The following KCNK3 variants were observed in gnomAD, a reference collection of about 807,000 sequenced individuals.
KCNK3 encodes the protein potassium channel subfamily K member 3.
A neutral mutation model predicts 27.3 loss-of-function variants in KCNK3; 9 were observed. The observed-to-expected ratio is 0.33, with a 90% CI of 0.20 to 0.57. KCNK3 has a LOEUF of 0.57. KCNK3 is among the 20% of genes least tolerant of loss of function. KCNK3 has a pLI of 0.87. For missense variants in KCNK3, 391 were observed against 577.7 expected (o/e 0.68, Z 3.31); for synonymous variants, 278 against 273.8 (o/e 1.02, Z -0.15).
chr2:26,719,356 C>A (rs1452120015), intron 1 of KCNK3, among the ~76,000 whole-genome samples: 1 of 152,170 alleles, frequency 6.6e-6, no homozygotes, highest in Non-Finnish European at 1.5e-5. Context: ...TTTTCTCTGA[C>A]CTTAACACAT....
chr2:26,725,805 T>G (rs546750860), intron 1 of KCNK3, among the ~76,000 whole-genome samples: 9 of 152,296 alleles, frequency 5.9e-5, no homozygotes, highest in Middle Eastern at 3.4e-3. Context: ...CCTTGAGCTT[T>G]AAGATCCAAA....
rs921021471 is a variant in KCNK3, at chr2:26,721,368, T to A, written c.284-6299T>A. Among the ~76,000 whole-genome samples the A allele has an allele frequency of 6.6e-6, 1 of 151,938 alleles. No individual in the cohort carries two copies. Among genetic ancestry groups the A allele is most frequent in the African/African-American group, 2.4e-5 (1 of 41,334 alleles). ...AGGAGGGAGAGCACCTGCGCCCTCC[T>A]CCCGTCTCCACCAAGCTGCAGCCCC... On this transcript the variant is annotated intron_variant, in intron 1 of 1. Coordinates refer to ENST00000302909, the MANE Select transcript of KCNK3 (RefSeq NM_002246.3). This position sits in a 1 kb window ranked among gnomAD's most constrained non-coding sequence, Gnocchi z 4.3.
intron 1 of KCNK3, among the ~76,000 whole-genome samples, chr2:26,701,425 C>T (rs965564019): frequency 6.6e-6 from 1 of 152,042 alleles, no homozygotes; most frequent in African/African-American, 2.4e-5. Flanking sequence ...AAGGGCTTGC[C>T]CCATGAGGAG....
At chr2:26,708,879 T>C (rs558509965) in intron 1 of KCNK3, among the ~76,000 whole-genome samples, 46 of 152,164 alleles carry the variant, frequency 3.0e-4, no homozygotes, top group Admixed American at 2.6e-4. Context: ...CACCCGCAGG[T>C]CAACCCCTCC....
chr2:26,709,564 C>T (rs150425210), intron 1 of KCNK3, among the ~76,000 whole-genome samples: 18 of 152,288 alleles, frequency 1.2e-4, no homozygotes, highest in Non-Finnish European at 4.4e-5. Context: ...AGACATTGGC[C>T]ATGAAAGCAG....
chr2:26,731,643 G>T lies in KCNK3; in HGVS notation c.*3075G>T, dbSNP rs969474497. The T allele has an allele frequency of 1.3e-5, 2 of 152,214 alleles. No individual in the cohort carries two copies. Among genetic ancestry groups the T allele is most frequent in the Non-Finnish European group, 2.9e-5 (2 of 68,044 alleles). The allele number at this position is 152,214 out of a possible 1,614,324, so 9.4% of individuals were successfully genotyped here. A position where few individuals can be genotyped will look rare whatever the true frequency, so the allele number is the denominator to read the frequency against. On this transcript the variant is annotated 3_prime_UTR_variant, in exon 2 of 2. Transcript: ENST00000302909. ...TGACTCGCCATGGGCTCGCTGGCCT[G>T]TGGGCGACACTGGCTTCCCTTTTGG... is the stretch of plus-strand genomic sequence containing the variant.
intron 1 of KCNK3, among the ~76,000 whole-genome samples, chr2:26,701,123 G>C (rs952883190): frequency 6.6e-6 from 1 of 152,196 alleles, no homozygotes; most frequent in African/African-American, 2.4e-5. Flanking sequence ...GAGTAGCAAG[G>C]CTCTAAAGAA....
intron 1 of KCNK3, among the ~76,000 whole-genome samples, chr2:26,699,618 G>C (rs986472019): frequency 7.2e-5 from 11 of 152,240 alleles, no homozygotes; most frequent in Admixed American, 2.6e-4. Context: ...CCAGCAGCAA[G>C]TGGAGACCAG....
At chr2:26,722,254 C>G (rs1028238300) in intron 1 of KCNK3, among the ~76,000 whole-genome samples, 1 of 152,232 alleles carries the variant, frequency 6.6e-6, no homozygotes, top group Admixed American at 6.5e-5. Context: ...TCTCATCCAA[C>G]AGTTGTTAAC....
intron 1 of KCNK3, among the ~76,000 whole-genome samples, chr2:26,714,573 T>C (rs1455975660): frequency 4.2e-4 from 11 of 25,962 alleles, no homozygotes; most frequent in Non-Finnish European, 8.1e-4. Context: ...AGGCCATCAT[T>C]TTCCAGAACA....
At chr2:26,716,898 C>A (rs1298146994) in intron 1 of KCNK3, among the ~76,000 whole-genome samples, 1 of 152,192 alleles carries the variant, frequency 6.6e-6, no homozygotes, top group Non-Finnish European at 1.5e-5. Context: ...GTAGGCTTAG[C>A]AAACTAGGGA....
chr2:26,731,349 C>T lies in KCNK3; in HGVS notation c.*2781C>T, dbSNP rs12472757. 0.4 allele frequency: 60,869 copies of T among 152,152 alleles called. 14,586 individuals are homozygous for T. Among genetic ancestry groups the T allele is most frequent in the Non-Finnish European group, 0.53 (36,178 of 68,026 alleles). 9.4% of individuals were successfully genotyped at this position (152,152 alleles called of 1,614,324 possible). A position where few individuals can be genotyped will look rare whatever the true frequency, so the allele number is the denominator to read the frequency against. On this transcript the variant is annotated 3_prime_UTR_variant, in exon 2 of 2. Transcript: ENST00000302909. ...TAGTCACAGCACTAGGCGGGCAGAT[C>T]ACCTGAGGTCAGAAGTTCAAGACCA...
rs182569829 is a variant in KCNK3, at chr2:26,726,977, C to A, written c.284-690C>A. Among the ~76,000 whole-genome samples the A allele has an allele frequency of 3.3e-5, 5 of 152,342 alleles. No individual in the cohort carries two copies. The East Asian group carries it at 5.8e-4, about 18-fold the overall frequency. ...GGGGACCCTGGAACACTCATTCATC[C>A]TGCTCTTGCAGGGAGGGGCAGGCAG... On this transcript the variant is annotated intron_variant, in intron 1 of 1. Transcript: ENST00000302909.
chr2:26,712,725 TG>T (rs1299864477), intron 1 of KCNK3, among the ~76,000 whole-genome samples: 2 of 150,356 alleles, frequency 1.3e-5, no homozygotes, highest in African/African-American at 4.9e-5. Flanking sequence ...ATGTGAATGT[TG>T]GGGGTGGGGA....
intron 1 of KCNK3, among the ~76,000 whole-genome samples, chr2:26,726,075 T>G (rs1260594077): frequency 7.5e-6 from 1 of 133,786 alleles, no homozygotes; most frequent in Admixed American, 7.9e-5. Context: ...CTCAGAGAAA[T>G]CATGCATACA....
chr2:26,707,034 C>G (rs1033300695), intron 1 of KCNK3, among the ~76,000 whole-genome samples: 11 of 152,176 alleles, frequency 7.2e-5, no homozygotes, highest in African/African-American at 2.7e-4. Context: ...CGCTTTTGTC[C>G]CCGCTTCACC....
rs1663325802 is a variant in KCNK3, at chr2:26,721,383, G to A, written c.284-6284G>A. Reference sequence around the variant, plus strand: ...TGCGCCCTCCTCCCGTCTCCACCAAGCTGCAGCCCCTCCCTCCTCTCCTCC... The same window carrying A: ...TGCGCCCTCCTCCCGTCTCCACCAAACTGCAGCCCCTCCCTCCTCTCCTCC... On this transcript the variant is annotated intron_variant, in intron 1 of 1. Transcript: ENST00000302909. This position sits in a 1 kb window ranked among gnomAD's most constrained non-coding sequence, Gnocchi z 4.3. Among the ~76,000 whole-genome samples, 1 of 152,084 alleles carries A rather than the reference G, an allele frequency of 6.6e-6. No individual in the cohort carries two copies. Among genetic ancestry groups the A allele is most frequent in the South Asian group, 2.1e-4 (1 of 4,826 alleles).
Position 26,692,852 on chromosome 2 carries a change from G to C in KCNK3, c.-24G>C. 1 of 1,209,976 alleles carries C rather than the reference G, an allele frequency of 8.3e-7. No homozygotes were observed. The highest frequency in any genetic ancestry group is 1.0e-6 in the Non-Finnish European group (1 of 972,926). 75.0% of individuals were successfully genotyped at this position (1,209,976 alleles called of 1,614,324 possible). A position where few individuals can be genotyped will look rare whatever the true frequency, so the allele number is the denominator to read the frequency against. ...AGGCGCGGGCCGGGGGCGCCGGGGG[G>C]CCGGCGGCGGCCCGGGCGGGACGAT... On this transcript the variant is annotated 5_prime_UTR_variant, in exon 1 of 2. Coordinates refer to ENST00000302909, the MANE Select transcript of KCNK3 (RefSeq NM_002246.3). This position sits in a 1 kb window ranked among gnomAD's most constrained non-coding sequence, Gnocchi z 5.6.
chr2:26,702,727 G>T (rs1352815030), intron 1 of KCNK3, among the ~76,000 whole-genome samples: 1 of 152,158 alleles, frequency 6.6e-6, no homozygotes, highest in Non-Finnish European at 1.5e-5. Context: ...GAACTGGTAG[G>T]AGATACATAT....
Sources: allele counts gnomAD v4.1 joint callset (sites outside exome capture counted in the v4.1 genomes callset), GRCh38; gene constraint gnomAD v4.1.1; non-coding constraint Gnocchi (gnomAD v3.1); transcripts MANE v1.5; gene names NCBI Gene and HGNC (gene_info 2026-07-23, HGNC 2026-07-21).